The following NELL1 variants were observed in gnomAD, a reference collection of about 807,000 sequenced individuals.
NELL1 encodes neural EGFL like 1.
A neutral mutation model predicts 107.4 loss-of-function variants in NELL1; 76 were observed. The ratio of observed to expected loss-of-function variants is 0.71; its 90% CI spans 0.59 to 0.86. The LOEUF is 0.86. NELL1 is among the 40% of genes least tolerant of loss of function. The pLI is 0.00. For synonymous variants in NELL1, 353 were observed against 341.2 expected, an observed-to-expected ratio of 1.03 and a Z score of -0.38; for missense variants, 1,024 against 1,005.5, an observed-to-expected ratio of 1.02 and a Z score of -0.25.
chr11:21,069,817 C>G (rs1177730965), intron 12 of NELL1, among the ~76,000 whole-genome samples: 2 of 152,198 alleles, frequency 1.3e-5, no homozygotes, highest in Middle Eastern at 3.4e-3. Flanking sequence ...GCCAGGCTCC[C>G]CTGTCAATTT....
At position 21,429,497 on chromosome 11, in the gene NELL1, C is replaced by A. The variant is rs144681287; in HGVS notation, c.1645+58549C>A. ...ACAGAAGCTATGTTGGGCAAAGGGG[C>A]TTCAATCCTGTCTTGGCTGTAAACA... On this transcript the variant is annotated intron_variant, in intron 15 of 19. Coordinates refer to ENST00000357134, the MANE Select transcript of NELL1 (RefSeq NM_006157.5). Among the ~76,000 whole-genome samples, 808 of 152,280 alleles carry A rather than the reference C, an allele frequency of 5.3e-3. 4 individuals are homozygous for A. The highest frequency in any genetic ancestry group is 0.017 in the African/African-American group (693 of 41,564).
At chr11:20,762,398 A>G (rs1472258305) in intron 2 of NELL1, among the ~76,000 whole-genome samples, 1 of 152,260 alleles carries the variant, frequency 6.6e-6, no homozygotes, top group African/African-American at 2.4e-5. Flanking sequence ...AATGGCTGCT[A>G]TCAAACTTGT....
intron 11 of NELL1, among the ~76,000 whole-genome samples, chr11:20,953,601 G>T (rs559938379): frequency 6.6e-6 from 1 of 152,110 alleles, no homozygotes; most frequent in Non-Finnish European, 1.5e-5. Context: ...AACAGAGCTC[G>T]ATACAGGACC....
intron 14 of NELL1, among the ~76,000 whole-genome samples, chr11:21,272,182 G>GA (rs1346588321): frequency 6.6e-6 from 1 of 152,208 alleles, no homozygotes; most frequent in Admixed American, 6.5e-5. Flanking sequence ...ACAGCACCTG[G>GA]AAAATCAGGT....
At chr11:21,307,884 G>C (rs1849641939) in intron 14 of NELL1, among the ~76,000 whole-genome samples, 1 of 151,932 alleles carries the variant, frequency 6.6e-6, no homozygotes, top group African/African-American at 2.4e-5. Context: ...TGTACTCAGA[G>C]TTAATTTTTT....
At chr11:21,202,591 G>C (rs1055652300) in intron 13 of NELL1, among the ~76,000 whole-genome samples, 4 of 151,974 alleles carry the variant, frequency 2.6e-5, no homozygotes, top group East Asian at 3.9e-4. Flanking sequence ...TGGATTCATT[G>C]ATTTTCTGAA....
intron 13 of NELL1, among the ~76,000 whole-genome samples, chr11:21,202,990 C>G (rs893251245): frequency 1.3e-5 from 2 of 151,202 alleles, no homozygotes; most frequent in African/African-American, 4.8e-5. Context: ...GTCTGAGAGA[C>G]TGTTACGACT....
At chr11:21,293,239 A>C (rs567328049) in intron 14 of NELL1, among the ~76,000 whole-genome samples, 1 of 151,792 alleles carries the variant, frequency 6.6e-6, no homozygotes, top group Admixed American at 6.6e-5. Flanking sequence ...AAGAAAAAAA[A>C]CAAACAACAA....
intron 2 of NELL1, among the ~76,000 whole-genome samples, chr11:20,696,611 G>T (rs772559994): frequency 2.0e-5 from 3 of 152,070 alleles, no homozygotes; most frequent in Non-Finnish European, 4.4e-5. Context: ...ACCTATTATA[G>T]GTTGTAAGGA....
intron 15 of NELL1, among the ~76,000 whole-genome samples, chr11:21,409,621 A>C (rs1852326259): frequency 6.6e-6 from 1 of 151,886 alleles, no homozygotes; most frequent in African/African-American, 2.4e-5. Context: ...AAAAAATAAA[A>C]ATTGCAATTA....
intron 12 of NELL1, among the ~76,000 whole-genome samples, chr11:21,013,754 C>G (rs980252837): frequency 9.9e-5 from 15 of 152,116 alleles, no homozygotes; most frequent in Non-Finnish European, 1.6e-4. Context: ...TAACTAAAGT[C>G]TATACCTTTA....
At chr11:20,998,655 G>T (rs561646122) in intron 12 of NELL1, among the ~76,000 whole-genome samples, 2 of 152,274 alleles carry the variant, frequency 1.3e-5, no homozygotes, top group African/African-American at 2.4e-5. Flanking sequence ...AACAGCTTTG[G>T]CTTGGTCAAT....
At chr11:20,980,383 C>T (rs1316180102) in intron 12 of NELL1, among the ~76,000 whole-genome samples, 3 of 152,060 alleles carry the variant, frequency 2.0e-5, no homozygotes, top group African/African-American at 7.3e-5. Context: ...TAGATTGGCC[C>T]ATTATACCTA....
chr11:21,074,060 C>T (rs1036271894), intron 12 of NELL1, among the ~76,000 whole-genome samples: 8 of 152,256 alleles, frequency 5.3e-5, no homozygotes, highest in African/African-American at 1.7e-4. Flanking sequence ...CTGGAAAAGT[C>T]AGAGTCTTTA....
intron 14 of NELL1, among the ~76,000 whole-genome samples, chr11:21,250,780 A>T (rs941697047): frequency 3.3e-5 from 5 of 152,206 alleles, no homozygotes; most frequent in Non-Finnish European, 5.9e-5. Context: ...TATGATACAC[A>T]TATAAATTAT....
At chr11:21,301,053 C>T (rs751741747) in intron 14 of NELL1, among the ~76,000 whole-genome samples, 10 of 152,044 alleles carry the variant, frequency 6.6e-5, no homozygotes, top group South Asian at 4.1e-4. Flanking sequence ...GCTTCATCCA[C>T]GTCCCCACAA....
At chr11:20,874,363 C>T (rs751270464) in intron 4 of NELL1, among the ~76,000 whole-genome samples, 22 of 152,166 alleles carry the variant, frequency 1.4e-4, no homozygotes, top group African/African-American at 4.8e-4. Flanking sequence ...CCACCTCGCC[C>T]GGCCTAGACT....
intron 18 of NELL1, among the ~76,000 whole-genome samples, chr11:21,571,328 A>G (rs1007676110): frequency 1.3e-5 from 2 of 151,874 alleles, no homozygotes; most frequent in Admixed American, 6.6e-5. Context: ...GTAACAAAAC[A>G]TAGTAGAAAT....
intron 12 of NELL1, among the ~76,000 whole-genome samples, chr11:21,006,030 A>G (rs1010551582): frequency 4.0e-5 from 6 of 151,056 alleles, no homozygotes; most frequent in African/African-American, 1.5e-4. Flanking sequence ...TGATAATTTC[A>G]TAGATTTGGG....
Sources: allele counts gnomAD v4.1 joint callset (sites outside exome capture counted in the v4.1 genomes callset), GRCh38; gene constraint gnomAD v4.1.1; transcripts MANE v1.5; gene names NCBI Gene and HGNC (gene_info 2026-07-23, HGNC 2026-07-21).